The following PARVG variants were observed in gnomAD, a reference collection of about 807,000 sequenced individuals.
PARVG encodes the protein gamma-parvin.
Under a neutral mutation model 44.4 loss-of-function variants are expected in PARVG, and 36 were observed. The observed-to-expected ratio is 0.81, with a 90% CI of 0.62 to 1.07. The LOEUF is 1.07. PARVG is among the 50% of genes least tolerant of loss of function. The pLI is 0.00. For missense variants in PARVG, 407 were observed against 407.4 expected (o/e 1.00, Z 0.01); for synonymous variants, 170 against 174.1 (o/e 0.98, Z 0.19).
At position 44,189,163 on chromosome 22, in the gene PARVG, C is replaced by G. The variant is rs943834983; in HGVS notation, c.297C>G (p.Ala99=). ...AAGCAGAGGACATCGCCCTGACAGC[C>G]ACAAGCCAGAAGCACAAGCTCACAG... The part of the protein sequence containing the change: ...KLEAEDIALT[A]TSQKHKLTVV... The change falls in exon 6 of 14, where the codon GCC becomes GCG. Residue 99 remains alanine, a synonymous_variant. Transcript: ENST00000444313. 1.2e-6 allele frequency: 2 copies of G among 1,614,188 alleles called. No individual in the cohort carries two copies. The highest frequency in any genetic ancestry group is 1.7e-6 in the Non-Finnish European group (2 of 1,180,038).
At chr22:44,198,953 T>TCCATCCACTCACCCACCCACCCAC (rs1569186509) in intron 12 of PARVG, among the ~76,000 whole-genome samples, 1 of 31,756 alleles carries the variant, frequency 3.1e-5, no homozygotes, top group African/African-American at 8.5e-5. Context: ...CACCCATCCA[T>TCCATCCACTCACCCACCCACCCAC]CCATCCATCC....
In PARVG at chr22:44,182,975, G is replaced by T; in HGVS notation, c.-12-343G>T. 1 of 312,958 alleles carries T rather than the reference G, an allele frequency of 3.2e-6. No homozygotes were observed. Among genetic ancestry groups the T allele is most frequent in the Non-Finnish European group, 5.9e-6 (1 of 169,102 alleles). 19.4% of individuals were successfully genotyped at this position (312,958 alleles called of 1,614,324 possible). On this transcript the variant is annotated intron_variant, in intron 2 of 13. Coordinates refer to ENST00000444313, the MANE Select transcript of PARVG (RefSeq NM_022141.7). The surrounding 1 kb of genome is among the most constrained non-coding windows in gnomAD (Gnocchi z 4.6). ...AGCTGTACCTACTTTGTCCTGTCTG[G>T]GATAGGGTGGGGGGTCCCTGGGTAG...
At chr22:44,195,873 G>A (rs949648596) in intron 9 of PARVG, among the ~76,000 whole-genome samples, 1 of 152,178 alleles carries the variant, frequency 6.6e-6, no homozygotes, top group Admixed American at 6.5e-5. Context: ...TGTGTGCCCA[G>A]TCACTGTGCC....
chr22:44,173,095 A>C (rs914648776), exon 1 of PARVG: 5 of 1,289,602 alleles, frequency 3.9e-6, no homozygotes, highest in Admixed American at 4.6e-5. Flanking sequence ...CTGGGGGAAG[A>C]GCTGGTTCAC....
intron 8 of PARVG, 58 bp from the exon 9 acceptor site, chr22:44,193,743 A>AG: frequency 6.3e-7 from 1 of 1,597,452 alleles, no homozygotes; most frequent in Non-Finnish European, 8.5e-7. Context: ...GAGAAATTGT[A>AG]GGTTTGCGGG....
At chr22:44,191,388 ATTTTTTTTT>A (rs35954868) in intron 7 of PARVG, among the ~76,000 whole-genome samples, 2,088 of 63,492 alleles carry the variant, frequency 0.033, 75 homozygotes, top group African/African-American at 0.12. Flanking sequence ...AGTCATTTCT[ATTTTTTTTT>A]TTTTTTTTTT....
chr22:44,200,481 C>A (rs560181063), intron 12 of PARVG, among the ~76,000 whole-genome samples: 4 of 152,208 alleles, frequency 2.6e-5, no homozygotes, highest in African/African-American at 9.7e-5. Flanking sequence ...CCTAGTATCC[C>A]CAGGCTTGCC....
chr22:44,194,868 C>T (rs992211929), intron 9 of PARVG, among the ~76,000 whole-genome samples: 3 of 151,866 alleles, frequency 2.0e-5, no homozygotes, highest in African/African-American at 4.8e-5. Context: ...CACCCACACA[C>T]CTATCCATCC....
At position 44,206,502 on chromosome 22, in the gene PARVG, C is replaced by T. The variant is rs1248224862; in HGVS notation, c.*76C>T. On this transcript the variant is annotated 3_prime_UTR_variant, in exon 14 of 14. Coordinates refer to ENST00000444313, the MANE Select transcript of PARVG (RefSeq NM_022141.7). ...CCCGAGGCTGCAGGGTGTCCTCCCA[C>T]AGTCCCGCTGTTTCCTGTGCATTCG... is the stretch of plus-strand genomic sequence containing the variant. 7.7e-7 allele frequency: 1 copy of T among 1,303,900 alleles called. No homozygotes were observed. The highest frequency in any genetic ancestry group is 1.1e-6 in the Non-Finnish European group (1 of 901,494). 80.8% of individuals were successfully genotyped at this position (1,303,900 alleles called of 1,614,324 possible). A position where few individuals can be genotyped will look rare whatever the true frequency, so the allele number is the denominator to read the frequency against.
upstream of PARVG, among the ~76,000 whole-genome samples, chr22:44,178,584 CTG>C (rs766517532): frequency 1.3e-5 from 2 of 152,284 alleles, no homozygotes; most frequent in East Asian, 3.9e-4. Context: ...AAGCAGGAAA[CTG>C]TGACCCACAA....
In PARVG at chr22:44,208,278, C is replaced by T. The variant is rs944921627; in HGVS notation, c.*1852C>T. 4.6e-5 allele frequency: 7 copies of T among 152,202 alleles called. No individual in the cohort carries two copies. The allele number at this position is 152,202 out of a possible 1,614,324, so 9.4% of individuals were successfully genotyped here. A position where few individuals can be genotyped will look rare whatever the true frequency, so the allele number is the denominator to read the frequency against. On this transcript the variant is annotated 3_prime_UTR_variant, in exon 14 of 14. Transcript: ENST00000444313. Reference sequence around the variant, plus strand: ...AAGTGTACAATTTGATGAGTTTTGACAAATGCATGCAGTCATATAACCACC... The same window carrying T: ...AAGTGTACAATTTGATGAGTTTTGATAAATGCATGCAGTCATATAACCACC...
At chr22:44,187,922 C>T (rs764743932) in intron 5 of PARVG, 44 bp downstream of exon 5, 1 of 1,603,588 alleles carries the variant, frequency 6.2e-7, no homozygotes, top group African/African-American at 1.3e-5. Flanking sequence ...GGCCCCATCC[C>T]CCTGACCTGG....
intron 1 of PARVG, chr22:44,173,256 G>T: frequency 8.5e-7 from 1 of 1,172,954 alleles, no homozygotes. Context: ...AAAGCTAGCG[G>T]CCAGGAGCAC....
intron 9 of PARVG, 73 bp from the exon 10 acceptor site, chr22:44,196,081 GA>G (rs34401197): frequency 4.4e-4 from 643 of 1,458,086 alleles, no homozygotes; most frequent in Middle Eastern, 8.9e-4. Flanking sequence ...AAACTTTTGT[GA>G]AAAAAAAAAT....
At chr22:44,189,283 G>T in intron 6 of PARVG, 29 bp downstream of exon 6, 9 of 1,611,128 alleles carry the variant, frequency 5.6e-6, no homozygotes, top group Non-Finnish European at 7.6e-6. Context: ...GGCTACCCCT[G>T]GGGAGTGTGG....
rs752039494 is a variant in PARVG at position 44,196,393 on chromosome 22, C to G, written c.689C>G (p.Ser230Cys). 1.2e-6 allele frequency: 2 copies of G among 1,614,196 alleles called. No individual in the cohort carries two copies. Among genetic ancestry groups the G allele is most frequent in the Non-Finnish European group, 1.7e-6 (2 of 1,180,046 alleles). ...VNQKLDRLGL[S>C]VQNLDTQFAD... ...CAGAAGCTGGACCGCCTGGGCCTGTCTGTGCAGAATCTGGACACCCAGGTA... is the reference window on the plus strand; with the variant it reads ...CAGAAGCTGGACCGCCTGGGCCTGTGTGTGCAGAATCTGGACACCCAGGTA... Residue 230 changes from serine (S) to cysteine (C), a missense_variant, in exon 11 of 14, where the codon TCT becomes TGT. By Grantham distance (112) the Ser-to-Cys change is moderately radical. Transcript: ENST00000444313.
chr22:44,186,886 T>C (rs934600102), intron 4 of PARVG: 4 of 342,984 alleles, frequency 1.2e-5, no homozygotes, highest in Non-Finnish European at 2.3e-5. Context: ...GGGGTATTTA[T>C]ACACCACCAC....
In PARVG at chr22:44,192,071, C is replaced by T; in HGVS notation, c.527C>T (p.Ser176Leu). 6.2e-7 allele frequency: 1 copy of T among 1,613,262 alleles called. No homozygotes were observed. The highest frequency in any genetic ancestry group is 1.1e-5 in the South Asian group (1 of 91,044). ...TAGAGCACCAAAAGTGGTCTGAAGT[C>T]AGAGAAGTTGGTGGAACAGCTCACT... ...TIESTKSGLKSEKLVEQLTEY... is the reference protein window; with the variant it reads ...TIESTKSGLKLEKLVEQLTEY... Residue 176 changes from serine (S) to leucine (L), a missense_variant, in exon 8 of 14, where the codon TCA (serine) becomes TTA (leucine). Transcript: ENST00000444313.
chr22:44,193,752 G>T, intron 8 of PARVG, 49 bp from the exon 9 acceptor site: 1 of 1,604,812 alleles, frequency 6.2e-7, no homozygotes, highest in Middle Eastern at 1.7e-4. Flanking sequence ...TAGGTTTGCG[G>T]GGTGTTTTTT....
Sources: allele counts gnomAD v4.1 joint callset (sites outside exome capture counted in the v4.1 genomes callset), GRCh38; gene constraint gnomAD v4.1.1; non-coding constraint Gnocchi (gnomAD v3.1); transcripts MANE v1.5; gene names NCBI Gene and HGNC (gene_info 2026-07-23, HGNC 2026-07-21).